ZYX: variants seen among roughly 807,000 people sequenced by gnomAD.
ZYX encodes zyxin-2.
Under a neutral mutation model 58.1 loss-of-function variants are expected in ZYX, and 37 were observed. That is an observed-to-expected ratio of 0.64 (90% CI 0.49 to 0.84). The LOEUF (loss-of-function observed/expected upper bound fraction) is 0.84, where lower values mean the gene tolerates loss of function less well. Among genes scored for constraint, ZYX ranks in the 40% least tolerant of loss-of-function variants. The pLI, the probability that ZYX is intolerant of heterozygous loss-of-function variation, is 0.00. For missense variants in ZYX, 762 were observed against 761.6 expected (o/e 1.00, Z -0.01); for synonymous variants, 324 against 321.1 (o/e 1.01, Z -0.10).
In ZYX at chr7:143,390,577, G is replaced by A; in HGVS notation, c.1615-1G>A. 1.3e-6 allele frequency: 2 copies of A among 1,561,552 alleles called. No homozygotes were observed. Among genetic ancestry groups the A allele is most frequent in the Non-Finnish European group, 1.7e-6 (2 of 1,151,982 alleles). ...TGCCCCTCACCCTTCCTTCTTCCCA[G>A]GACTGCGGGAAGCCCCTGTCGATTG... On this transcript the variant is annotated splice_acceptor_variant, in intron 9 of 9. Coordinates refer to ENST00000322764, the MANE Select transcript of ZYX (RefSeq NM_003461.5). LOFTEE classifies it high-confidence loss of function. The surrounding 1 kb of genome is among the most constrained non-coding windows in gnomAD (Gnocchi z 4.3).
rs59995035 is a variant in ZYX, at chr7:143,385,660, C to CTTTTTTTTTTTTTTTTTT, written c.1023+2347_1023+2364dup. 4.2e-4 allele frequency among the ~76,000 whole-genome samples: 29 copies of CTTTTTTTTTTTTTTTTTT among 68,966 alleles called. 5 individuals are homozygous for CTTTTTTTTTTTTTTTTTT. The highest frequency in any genetic ancestry group is 6.9e-4 in the South Asian group (1 of 1,444). 45.2% of individuals were successfully genotyped at this position (68,966 alleles called of 152,430 possible). A position where few individuals can be genotyped will look rare whatever the true frequency, so the allele number is the denominator to read the frequency against. Reference sequence around the variant, plus strand: ...TGTGTGAGCGTGTGGTGTGGTATATCTTTTTTTTTTTTTTTTTTTTTTTTT... The same window carrying CTTTTTTTTTTTTTTTTTT: ...TGTGTGAGCGTGTGGTGTGGTATATCTTTTTTTTTTTTTTTTTTTTTTTTTTTTTTTTTTTTTTTTTTT... On this transcript the variant is annotated intron_variant, in intron 5 of 9. Coordinates refer to ENST00000322764, the MANE Select transcript of ZYX (RefSeq NM_003461.5).
chr7:143,388,210 G>T lies in ZYX; in HGVS notation c.1024-9G>T. The T allele has an allele frequency of 6.3e-7, 1 of 1,592,508 alleles. No homozygotes were observed. Among genetic ancestry groups the T allele is most frequent in the East Asian group, 2.3e-5 (1 of 43,962 alleles). On this transcript the variant is annotated splice_polypyrimidine_tract_variant and intron_variant, in intron 5 of 9. Coordinates refer to ENST00000322764, the MANE Select transcript of ZYX (RefSeq NM_003461.5). This position sits in a 1 kb window ranked among gnomAD's most constrained non-coding sequence, Gnocchi z 7.5. ...CCTCTAGAGTGTGAGGAAAATGTTG[G>T]GATTGCAGGTGCGCTCCCCTGGGGC...
At position 143,382,328 on chromosome 7, in the gene ZYX, C is replaced by T. The variant is rs1263377683; in HGVS notation, c.289C>T (p.Pro97Ser). The T allele has an allele frequency of 2.5e-6, 4 of 1,608,498 alleles. No homozygotes were observed. The Admixed American group carries it at 5.1e-5, about 20-fold the overall frequency. Residue 97 changes from proline to serine, a missense_variant, in exon 3 of 10, where the codon CCT becomes TCT. Coordinates refer to ENST00000322764, the MANE Select transcript of ZYX (RefSeq NM_003461.5). The part of the protein sequence containing the change: ...GALGGAFPPP[P>S]PPIEESFPPA... Reference sequence around the variant, plus strand: ...TCTGGGAGGTGCCTTCCCGCCGCCCCCTCCCCCGATCGAGGAATCATTTCC... The same window carrying T: ...TCTGGGAGGTGCCTTCCCGCCGCCCTCTCCCCCGATCGAGGAATCATTTCC...
chr7:143,388,722 G>C lies in ZYX; in HGVS notation c.1315-45G>C, dbSNP rs747414710. ...GGCAGTCGGGCCCTGGAAGCTTGCT[G>C]TGGGGTGCCGGTTCCCTGCCAACCT... On this transcript the variant is annotated intron_variant, in intron 7 of 9. Coordinates refer to ENST00000322764, the MANE Select transcript of ZYX (RefSeq NM_003461.5). The surrounding 1 kb of genome is among the most constrained non-coding windows in gnomAD (Gnocchi z 7.5). 1.2e-6 allele frequency: 2 copies of C among 1,610,082 alleles called. No individual in the cohort carries two copies. The highest frequency in any genetic ancestry group is 1.7e-6 in the Non-Finnish European group (2 of 1,177,450).
rs1275444603 is a variant in ZYX at position 143,388,447 on chromosome 7, A to G, written c.1145-42A>G. The G allele has an allele frequency of 1.9e-6, 3 of 1,606,814 alleles. No homozygotes were observed. The highest frequency in any genetic ancestry group is 4.5e-5 in the East Asian group (2 of 44,672). The stretch of plus-strand genomic sequence containing the variant: ...GCTGGCTGATCCCTCGCAGCTCTAC[A>G]TACTTCCTTCTATTTACTGCTGTCT... On this transcript the variant is annotated intron_variant, in intron 6 of 9. Transcript: ENST00000322764. This position sits in a 1 kb window ranked among gnomAD's most constrained non-coding sequence, Gnocchi z 7.5.
In ZYX at chr7:143,382,873, G is replaced by T. The variant is rs142949198; in HGVS notation, c.574G>T (p.Gly192Trp). Residue 192 changes from glycine to tryptophan, a missense_variant, in exon 5 of 10, where the codon GGG (glycine) becomes TGG (tryptophan). Transcript: ENST00000322764. ...SSKSSTKPAAGGTAPLPPWKS... is the reference protein window; with the variant it reads ...SSKSSTKPAAWGTAPLPPWKS... ...CAAGTCCAGTACCAAGCCTGCAGCC[G>T]GGGGCACAGCACCCCTGCCTCCTTG... 6.2e-7 allele frequency: 1 copy of T among 1,612,926 alleles called. No individual in the cohort carries two copies. The highest frequency in any genetic ancestry group is 8.5e-7 in the Non-Finnish European group (1 of 1,179,464).
chr7:143,390,589 G>C lies in ZYX; in HGVS notation c.1626G>C (p.Lys542Asn). Residue 542 changes from lysine to asparagine, a missense_variant, in exon 10 of 10, where the codon AAG becomes AAC. Coordinates refer to ENST00000322764, the MANE Select transcript of ZYX (RefSeq NM_003461.5). The surrounding 1 kb of genome is among the most constrained non-coding windows in gnomAD (Gnocchi z 4.3). ...TTCCTTCTTCCCAGGACTGCGGGAA[G>C]CCCCTGTCGATTGAGGCAGATGACA... ...MKCYKCEDCG[K>N]PLSIEADDNG... 6.4e-7 allele frequency: 1 copy of C among 1,569,218 alleles called. No homozygotes were observed. The highest frequency in any genetic ancestry group is 8.6e-7 in the Non-Finnish European group (1 of 1,156,286).
chr7:143,390,405 G>A lies in ZYX; in HGVS notation c.1615-173G>A. 1 of 614,758 alleles carries A rather than the reference G, an allele frequency of 1.6e-6. No individual in the cohort carries two copies. The highest frequency in any genetic ancestry group is 2.9e-6 in the Non-Finnish European group (1 of 345,400). 38.1% of individuals were successfully genotyped at this position (614,758 alleles called of 1,614,324 possible). A position where few individuals can be genotyped will look rare whatever the true frequency, so the allele number is the denominator to read the frequency against. ...CTCTTGCAGGAAGGTCCTAGTGGGT[G>A]ACTGGAAGTAGGATAGGGATGGGGA... On this transcript the variant is annotated intron_variant, in intron 9 of 9. Coordinates refer to ENST00000322764, the MANE Select transcript of ZYX (RefSeq NM_003461.5). The surrounding 1 kb of genome is among the most constrained non-coding windows in gnomAD (Gnocchi z 4.3).
chr7:143,390,050 G>A lies in ZYX; in HGVS notation c.1614+73G>A. 1 of 1,583,608 alleles carries A rather than the reference G, an allele frequency of 6.3e-7. No homozygotes were observed. Among genetic ancestry groups the A allele is most frequent in the Non-Finnish European group, 8.6e-7 (1 of 1,159,442 alleles). On this transcript the variant is annotated intron_variant, in intron 9 of 9. Coordinates refer to ENST00000322764, the MANE Select transcript of ZYX (RefSeq NM_003461.5). The surrounding 1 kb of genome is among the most constrained non-coding windows in gnomAD (Gnocchi z 4.3). ...GCGGGAGATGCTGCTTACTAACTGG[G>A]AGGTGGAAAGCACCAGCATTCAGGA...
chr7:143,383,047 A>ACCCAGCCCCGAGGGCC lies in ZYX; in HGVS notation c.756_771dup (p.Ser258ProfsTer13). 6.2e-7 allele frequency: 1 copy of ACCCAGCCCCGAGGGCC among 1,613,854 alleles called. No individual in the cohort carries two copies. The highest frequency in any genetic ancestry group is 2.2e-5 in the East Asian group (1 of 44,866). On this transcript the variant is annotated frameshift_variant, in exon 5 of 10. Coordinates refer to ENST00000322764, the MANE Select transcript of ZYX (RefSeq NM_003461.5). LOFTEE classifies it high-confidence loss of function. ...GACCCAGCCTGTGTCTTTGGCTAAC[A>ACCCAGCCCCGAGGGCC]CCCAGCCCCGAGGGCCCCCAGCCTC... is the stretch of plus-strand genomic sequence containing the variant.
chr7:143,386,254 GA>G (rs1489107355), intron 5 of ZYX, among the ~76,000 whole-genome samples: 2 of 152,014 alleles, frequency 1.3e-5, no homozygotes, highest in African/African-American at 4.8e-5. Context: ...GTCCCTGGAG[GA>G]GATCTTGGTG....
chr7:143,383,270 G>A lies in ZYX; in HGVS notation c.971G>A (p.Arg324Gln), dbSNP rs1436198853. The A allele has an allele frequency of 3.1e-6, 5 of 1,613,332 alleles. No individual in the cohort carries two copies. In the South Asian group the frequency reaches 3.3e-5, roughly 11 times the overall value. The change falls in exon 5 of 10, where the codon CGA becomes CAA. Residue 324 changes from arginine (R) to glutamine (Q), a missense_variant. By Grantham distance (43) the Arg-to-Gln change is conservative (BLOSUM62 1). Coordinates refer to ENST00000322764, the MANE Select transcript of ZYX (RefSeq NM_003461.5). ...FTYAQQREKP[R>Q]VQEKQHPVPP... ...TATGCCCAGCAGAGGGAGAAGCCCC[G>A]AGTGCAGGAGAAGCAGCACCCCGTG...
intron 2 of ZYX, 47 bp downstream of exon 2, chr7:143,381,826 G>T (rs961399438): frequency 6.8e-7 from 1 of 1,471,504 alleles, no homozygotes; most frequent in Non-Finnish European, 9.0e-7. Flanking sequence ...AGCCGGGGTG[G>T]GGGGCAGTCG....
rs375203793 is a variant in ZYX, at chr7:143,382,336, G to C, written c.297G>C (p.Pro99=). ...GTGCCTTCCCGCCGCCCCCTCCCCC[G>C]ATCGAGGAATCATTTCCCCCTGCGC... ...LGGAFPPPPP[P]IEESFPPAPL... Residue 99 remains proline (P), a synonymous_variant, in exon 3 of 10, where the codon CCG becomes CCC. Coordinates refer to ENST00000322764, the MANE Select transcript of ZYX (RefSeq NM_003461.5). 1.9e-6 allele frequency: 3 copies of C among 1,604,286 alleles called. No individual in the cohort carries two copies. The highest frequency in any genetic ancestry group is 2.6e-6 in the Non-Finnish European group (3 of 1,174,164).
At position 143,388,535 on chromosome 7, in the gene ZYX, C is replaced by T. The variant is rs768343435; in HGVS notation, c.1191C>T (p.Ala397=). The change falls in exon 7 of 10, where the codon GCC becomes GCT. Residue 397 remains alanine, a synonymous_variant. Coordinates refer to ENST00000322764, the MANE Select transcript of ZYX (RefSeq NM_003461.5). The surrounding 1 kb of genome is among the most constrained non-coding windows in gnomAD (Gnocchi z 7.5). The part of the protein sequence containing the change: ...CHQPLARAQP[A]VRALGQLFHI... ...AACCCCTGGCCCGGGCGCAGCCAGC[C>T]GTCCGCGCTCTAGGGCAGCTGTTCC... 8.1e-6 allele frequency: 13 copies of T among 1,610,648 alleles called. No individual in the cohort carries two copies. The highest frequency in any genetic ancestry group is 6.7e-5 in the East Asian group (3 of 44,892).
At position 143,384,403 on chromosome 7, in the gene ZYX, A is replaced by T. The variant is rs1028083624; in HGVS notation, c.1023+1081A>T. Among the ~76,000 whole-genome samples the T allele has an allele frequency of 6.6e-6, 1 of 152,140 alleles. No individual in the cohort carries two copies. The highest frequency in any genetic ancestry group is 6.5e-5 in the Admixed American group (1 of 15,268). On this transcript the variant is annotated intron_variant, in intron 5 of 9. Coordinates refer to ENST00000322764, the MANE Select transcript of ZYX (RefSeq NM_003461.5). The surrounding 1 kb of genome is among the most constrained non-coding windows in gnomAD (Gnocchi z 4.9). ...AGGAAAATGATAGAGCTATACTTGG[A>T]GAGGCAAGCGGGGCTGGAGGGTGTA...
At chr7:143,386,593 G>A (rs111870814) in intron 5 of ZYX, among the ~76,000 whole-genome samples, 1,909 of 152,200 alleles carry the variant, frequency 0.013, 43 homozygotes, top group African/African-American at 0.044. Flanking sequence ...CTTGGGGTTG[G>A]AGACTGGGCC....
intron 4 of ZYX, 44 bp from the exon 5 acceptor site, chr7:143,382,757 T>C: frequency 6.2e-7 from 1 of 1,612,950 alleles, no homozygotes; most frequent in Non-Finnish European, 8.5e-7. Context: ...AGGAGGATGG[T>C]GTCCTCCTGA....
At position 143,389,303 on chromosome 7, in the gene ZYX, A is replaced by G. The variant is rs1318506541; in HGVS notation, c.1493+358A>G. Among the ~76,000 whole-genome samples, 1 of 152,190 alleles carries G rather than the reference A, an allele frequency of 6.6e-6. No individual in the cohort carries two copies. Among genetic ancestry groups the G allele is most frequent in the Admixed American group, 6.5e-5 (1 of 15,288 alleles). On this transcript the variant is annotated intron_variant, in intron 8 of 9. Coordinates refer to ENST00000322764, the MANE Select transcript of ZYX (RefSeq NM_003461.5). The surrounding 1 kb of genome is among the most constrained non-coding windows in gnomAD (Gnocchi z 5.6). ...GGATTTCTGGTTTCTCCCCAGAAAT[A>G]GTGTTTAGAAGGTGGCTACTTTTTC... is the stretch of plus-strand genomic sequence containing the variant.
Sources: gnomAD v4.1 joint callset for allele counts (sites outside exome capture counted in the v4.1 genomes callset) on GRCh38, gnomAD v4.1.1 for gene constraint, Gnocchi (gnomAD v3.1) non-coding constraint, MANE v1.5 for transcripts, NCBI Gene and HGNC (gene_info 2026-07-23, HGNC 2026-07-21) for gene names.